Variants in GRIK2 observed in about 807,000 individuals in gnomAD.
The protein encoded by GRIK2 is glutamate ionotropic receptor kainate type subunit 2.
Under a neutral mutation model 100.3 loss-of-function variants are expected in GRIK2, and 32 were observed. The observed-to-expected ratio is 0.32, with a 90% CI of 0.24 to 0.43. The LOEUF (loss-of-function observed/expected upper bound fraction) is 0.43, where lower values mean the gene tolerates loss of function less well. Ranked by LOEUF, GRIK2 falls within the 20% of genes least tolerant of loss-of-function variation. The pLI is 1.00. For missense variants in GRIK2, 843 were observed against 1,114.9 expected, an observed-to-expected ratio of 0.76 and a Z score of 3.47; for synonymous variants, 417 against 389.4, an observed-to-expected ratio of 1.07 and a Z score of -0.83.
rs1417393124 is a variant in GRIK2, at chr6:101,595,706, G to GTATATA, written c.116-26242_116-26241insATATAT. Among the ~76,000 whole-genome samples the GTATATA allele has an allele frequency of 2.1e-3, 266 of 125,318 alleles. 1 individual carries two copies. The highest frequency in any genetic ancestry group is 8.1e-3 in the African/African-American group (255 of 31,626). The allele number at this position is 125,318 out of a possible 152,430, so 82.2% of individuals were successfully genotyped here. A position where few individuals can be genotyped will look rare whatever the true frequency, so the allele number is the denominator to read the frequency against. ...TGTGCATGTATATATATATGTGTGT[G>GTATATA]TGTGTGTGTGTGTATATATATATAT... On this transcript the variant is annotated intron_variant, in intron 2 of 16. Transcript: ENST00000369134.
chr6:101,455,996 G>C (rs138135191), intron 2 of GRIK2, among the ~76,000 whole-genome samples: 95 of 151,770 alleles, frequency 6.3e-4, no homozygotes, highest in African/African-American at 1.9e-3. Context: ...AACTCAAAAA[G>C]CTAACATGGC....
At chr6:101,475,297 G>A (rs2066691629) in intron 2 of GRIK2, among the ~76,000 whole-genome samples, 1 of 151,858 alleles carries the variant, frequency 6.6e-6, no homozygotes, top group South Asian at 2.1e-4. Flanking sequence ...AACTTGGTGA[G>A]CAAGCACATC....
At chr6:101,861,945 C>T (rs965514012) in intron 11 of GRIK2, among the ~76,000 whole-genome samples, 3 of 151,984 alleles carry the variant, frequency 2.0e-5, no homozygotes, top group East Asian at 1.9e-4. Flanking sequence ...GAGGTTACAA[C>T]GAGAATGGGG....
intron 14 of GRIK2, among the ~76,000 whole-genome samples, chr6:101,998,173 C>A (rs769342010): frequency 4.6e-5 from 7 of 152,022 alleles, no homozygotes; most frequent in Non-Finnish European, 7.4e-5. Context: ...GATTAGTTTG[C>A]ATTTTCTAAA....
chr6:101,663,044 G>A (rs1769747664), intron 4 of GRIK2, among the ~76,000 whole-genome samples: 1 of 152,114 alleles, frequency 6.6e-6, no homozygotes. Flanking sequence ...ATTCTAAAGA[G>A]TTACGTTCTA....
At chr6:101,960,053 G>GTTTTTTTTTT (rs781532291) in intron 14 of GRIK2, among the ~76,000 whole-genome samples, 3 of 131,030 alleles carry the variant, frequency 2.3e-5, no homozygotes, top group African/African-American at 8.6e-5. Flanking sequence ...TTAGTGTTTT[G>GTTTTTTTTTT]TTTTTTTTTT....
intron 14 of GRIK2, among the ~76,000 whole-genome samples, chr6:101,954,411 A>G (rs1332349220): frequency 6.6e-6 from 1 of 152,030 alleles, no homozygotes; most frequent in Non-Finnish European, 1.5e-5. Flanking sequence ...CACTTTTATT[A>G]TTAGATCTTG....
chr6:101,730,016 A>G (rs924136164), intron 7 of GRIK2, among the ~76,000 whole-genome samples: 21 of 151,990 alleles, frequency 1.4e-4, no homozygotes, highest in Admixed American at 1.2e-3. Context: ...GGTTTTTTAG[A>G]TCTATAAATT....
chr6:101,426,472 C>T lies in GRIK2; in HGVS notation c.115+27080C>T, dbSNP rs557163604. On this transcript the variant is annotated intron_variant, in intron 2 of 16. Transcript: ENST00000369134. ...ATCAATTAACCAACCTCTCTTTATCCCCCCTCCTCCCTACACTTCCCAGCC... is the reference window on the plus strand; with the variant it reads ...ATCAATTAACCAACCTCTCTTTATCTCCCCTCCTCCCTACACTTCCCAGCC... Among the ~76,000 whole-genome samples the T allele has an allele frequency of 1.4e-4, 21 of 152,050 alleles. No individual in the cohort carries two copies. The South Asian group carries it at 4.4e-3, about 32-fold the overall frequency.
rs552333147 is a variant in GRIK2 at position 101,658,723 on chromosome 6, T to A, written c.542-17900T>A. On this transcript the variant is annotated intron_variant, in intron 4 of 16. Coordinates refer to ENST00000369134, the MANE Select transcript of GRIK2 (RefSeq NM_021956.5). ...ACTTTTTAATGATCTCCATTCTAACTGGCATGAGATGGTATCTCACTGTGG... is the reference window on the plus strand; with the variant it reads ...ACTTTTTAATGATCTCCATTCTAACAGGCATGAGATGGTATCTCACTGTGG... 2.6e-5 allele frequency among the ~76,000 whole-genome samples: 4 copies of A among 152,324 alleles called. No individual in the cohort carries two copies. The South Asian group carries it at 8.3e-4, about 32-fold the overall frequency.
intron 14 of GRIK2, among the ~76,000 whole-genome samples, chr6:102,005,375 A>G (rs1334125671): frequency 6.6e-6 from 1 of 152,040 alleles, no homozygotes; most frequent in South Asian, 2.1e-4. Flanking sequence ...TCTTATTTAT[A>G]AATTAGCATA....
At chr6:101,870,123 T>A (rs1193411296) in intron 11 of GRIK2, among the ~76,000 whole-genome samples, 1 of 151,950 alleles carries the variant, frequency 6.6e-6, no homozygotes, top group African/African-American at 2.4e-5. Flanking sequence ...ATGATTTTGA[T>A]ACCTTGTAAT....
At chr6:101,444,284 G>A (rs903956650) in intron 2 of GRIK2, among the ~76,000 whole-genome samples, 1 of 151,594 alleles carries the variant, frequency 6.6e-6, no homozygotes, top group African/African-American at 2.4e-5. Context: ...TTTCCTATAT[G>A]CTGAGATAAA....
chr6:101,727,815 C>T (rs1181992931), intron 7 of GRIK2, among the ~76,000 whole-genome samples: 2 of 151,930 alleles, frequency 1.3e-5, no homozygotes, highest in East Asian at 3.9e-4. Flanking sequence ...GGCTTAAACA[C>T]ATACAATGAC....
At chr6:101,549,861 C>T (rs1285828053) in intron 2 of GRIK2, among the ~76,000 whole-genome samples, 2 of 152,052 alleles carry the variant, frequency 1.3e-5, no homozygotes, top group East Asian at 1.9e-4. Flanking sequence ...TATAATTATC[C>T]CCATTTTGCC....
intron 14 of GRIK2, among the ~76,000 whole-genome samples, chr6:102,001,262 A>C (rs187237734): frequency 3.2e-4 from 48 of 151,042 alleles, no homozygotes; most frequent in African/African-American, 1.1e-3. Context: ...ACAGGTATAC[A>C]TGTGCCATGG....
At chr6:101,495,093 G>A (rs1021508318) in intron 2 of GRIK2, among the ~76,000 whole-genome samples, 11 of 148,866 alleles carry the variant, frequency 7.4e-5, no homozygotes, top group Non-Finnish European at 1.5e-4. Flanking sequence ...GTTCTCTATA[G>A]TATATAAACT....
intron 9 of GRIK2, among the ~76,000 whole-genome samples, chr6:101,816,548 G>A (rs1196068812): frequency 1.1e-4 from 17 of 152,086 alleles, no homozygotes; most frequent in African/African-American, 3.9e-4. Context: ...AAAATTAGCC[G>A]AGCGTGTTGG....
chr6:101,930,507 A>T (rs1370728919), intron 14 of GRIK2, among the ~76,000 whole-genome samples: 1 of 152,036 alleles, frequency 6.6e-6, no homozygotes, highest in Non-Finnish European at 1.5e-5. Context: ...AATACAACCT[A>T]TTGTACCTAA....
Sources: allele counts gnomAD v4.1 joint callset (sites outside exome capture counted in the v4.1 genomes callset), GRCh38; gene constraint gnomAD v4.1.1; transcripts MANE v1.5; gene names NCBI Gene and HGNC (gene_info 2026-07-23, HGNC 2026-07-21).